Variants in MEGF11 observed in about 807,000 individuals in gnomAD.
The protein encoded by MEGF11 is multiple EGF like domains 11, also known as multiple epidermal growth factor-like domains protein 11.
MEGF11 carries 126 observed loss-of-function variants against 146.6 expected under a neutral mutation model. The observed-to-expected ratio is 0.86, with a 90% confidence interval of 0.74 to 1.00. The LOEUF (loss-of-function observed/expected upper bound fraction) is 1.00, where lower values mean the gene tolerates loss of function less well. MEGF11 is among the 50% of genes least tolerant of loss of function. The pLI is 0.00. For missense variants in MEGF11, 1,509 were observed against 1,521.2 expected, an observed-to-expected ratio of 0.99 and a Z score of 0.13; for synonymous variants, 532 against 583.4, an observed-to-expected ratio of 0.91 and a Z score of 1.27.
intron 1 of MEGF11, among the ~76,000 whole-genome samples, chr15:66,224,826 G>A (rs2091817772): frequency 6.6e-6 from 1 of 151,114 alleles, no homozygotes; most frequent in East Asian, 1.9e-4. Context: ...CCCCAGATGG[G>A]GGAGTGAATC....
chr15:66,035,586 G>A (rs333592), intron 5 of MEGF11, among the ~76,000 whole-genome samples: 147,519 of 152,332 alleles, frequency 0.97, 71,591 homozygotes, highest in Middle Eastern at 1. Context: ...CCAAAGGCAA[G>A]TATTGAGGTC....
chr15:66,052,388 C>T (rs2084487124), intron 5 of MEGF11, among the ~76,000 whole-genome samples: 1 of 152,140 alleles, frequency 6.6e-6, no homozygotes, highest in Non-Finnish European at 1.5e-5. Flanking sequence ...AGAAGGGATG[C>T]CTGGGTGTTT....
intron 10 of MEGF11, among the ~76,000 whole-genome samples, chr15:65,935,324 A>G (rs1285234091): frequency 8.3e-5 from 2 of 23,954 alleles, no homozygotes; most frequent in Non-Finnish European, 1.5e-4. Context: ...CGTCTCAAGA[A>G]AAAAAAAAAA....
At chr15:66,222,704 A>C (rs1393421067) in intron 1 of MEGF11, among the ~76,000 whole-genome samples, 1 of 152,230 alleles carries the variant, frequency 6.6e-6, no homozygotes, top group Admixed American at 6.5e-5. Flanking sequence ...TCTCCAAAGA[A>C]GGTATATAAG....
At chr15:66,042,290 A>G (rs1012956152) in intron 5 of MEGF11, among the ~76,000 whole-genome samples, 2 of 151,894 alleles carry the variant, frequency 1.3e-5, no homozygotes, top group Admixed American at 1.3e-4. Flanking sequence ...TTGTATTTTT[A>G]GTAGAGACGG....
At chr15:66,218,057 C>T (rs2091631846) in intron 1 of MEGF11, among the ~76,000 whole-genome samples, 1 of 152,168 alleles carries the variant, frequency 6.6e-6, no homozygotes, top group Non-Finnish European at 1.5e-5. Context: ...TGCCATTTTA[C>T]AGGATTTATT....
At chr15:65,925,069 C>T (rs1384821196) in intron 13 of MEGF11, among the ~76,000 whole-genome samples, 2 of 152,324 alleles carry the variant, frequency 1.3e-5, no homozygotes, top group East Asian at 3.9e-4. Context: ...TCTTTGCCAG[C>T]TGACCAAGGC....
intron 3 of MEGF11, among the ~76,000 whole-genome samples, chr15:66,120,052 T>C (rs2087946088): frequency 6.6e-6 from 1 of 152,184 alleles, no homozygotes; most frequent in Non-Finnish European, 1.5e-5. Context: ...AAACTAAAAT[T>C]AGTGAAGTTA....
chr15:66,196,067 C>G (rs1050730126), intron 1 of MEGF11, among the ~76,000 whole-genome samples: 3 of 152,002 alleles, frequency 2.0e-5, no homozygotes, highest in Non-Finnish European at 2.9e-5. Context: ...GGAGGGCACA[C>G]AGAGCACTCA....
At chr15:66,123,854 G>GC in intron 3 of MEGF11, 45 bp downstream of exon 3, 1 of 1,509,020 alleles carries the variant, frequency 6.6e-7, no homozygotes, top group Non-Finnish European at 9.2e-7. Flanking sequence ...AGCCCTGAGA[G>GC]CCCAGTGCCT....
intron 24 of MEGF11, among the ~76,000 whole-genome samples, chr15:65,900,398 C>G (rs1396831912): frequency 6.6e-6 from 1 of 152,220 alleles, no homozygotes; most frequent in African/African-American, 2.4e-5. Context: ...CTCCGTATGG[C>G]TGAAGTAGCT....
chr15:66,080,426 G>A (rs945933376), intron 5 of MEGF11, among the ~76,000 whole-genome samples: 6 of 152,096 alleles, frequency 3.9e-5, no homozygotes, highest in Admixed American at 3.3e-4. Flanking sequence ...TCGCCATCCA[G>A]GTCCCCCTCC....
intron 5 of MEGF11, among the ~76,000 whole-genome samples, chr15:66,035,071 AC>A (rs2083677580): frequency 6.6e-6 from 1 of 152,022 alleles, no homozygotes; most frequent in African/African-American, 2.4e-5. Context: ...TTTATTAATT[AC>A]CCGGTCTGTG....
chr15:66,238,698 C>G (rs540937484), intron 1 of MEGF11, among the ~76,000 whole-genome samples: 1 of 152,344 alleles, frequency 6.6e-6, no homozygotes, highest in South Asian at 2.1e-4. Context: ...GGTGTCTCCC[C>G]TAGATATCAG....
At chr15:66,138,757 TAA>T (rs2089007154) in intron 1 of MEGF11, among the ~76,000 whole-genome samples, 1 of 152,164 alleles carries the variant, frequency 6.6e-6, no homozygotes. Context: ...GGGTTAGTAA[TAA>T]ACCTGACTCC....
chr15:66,209,362 C>CA (rs894019030), intron 1 of MEGF11, among the ~76,000 whole-genome samples: 5 of 149,972 alleles, frequency 3.3e-5, no homozygotes, highest in East Asian at 1.9e-4. Flanking sequence ...AAAAAAAAAA[C>CA]AAAAAAAACT....
chr15:65,968,295 T>A (rs1318138541), intron 8 of MEGF11, among the ~76,000 whole-genome samples: 2 of 152,148 alleles, frequency 1.3e-5, no homozygotes, highest in African/African-American at 4.8e-5. Context: ...AGCCTGCAAA[T>A]GGATTTCTCC....
chr15:66,077,906 C>T (rs995246907), intron 5 of MEGF11, among the ~76,000 whole-genome samples: 2 of 152,130 alleles, frequency 1.3e-5, no homozygotes, highest in Non-Finnish European at 2.9e-5. Flanking sequence ...GAAAGCCAGG[C>T]AGGTGCCACA....
chr15:66,125,180 T>A (rs1212745709), intron 2 of MEGF11, among the ~76,000 whole-genome samples: 1 of 152,128 alleles, frequency 6.6e-6, no homozygotes, highest in African/African-American at 2.4e-5. Flanking sequence ...GGTGGGAAAT[T>A]CTGTTTCTCT....
Sources: gnomAD v4.1 joint callset for allele counts (sites outside exome capture counted in the v4.1 genomes callset) on GRCh38, gnomAD v4.1.1 for gene constraint, MANE v1.5 for transcripts, NCBI Gene and HGNC (gene_info 2026-07-23, HGNC 2026-07-21) for gene names.